Variants in FSTL5 observed in about 807,000 individuals in gnomAD.
The protein encoded by FSTL5 is follistatin-related protein 5.
FSTL5 carries 62 observed loss-of-function variants against 89.1 expected under a neutral mutation model. That is an observed-to-expected ratio of 0.70 (90% CI 0.57 to 0.86). The LOEUF (loss-of-function observed/expected upper bound fraction) is 0.86, where lower values mean the gene tolerates loss of function less well. Ranked by LOEUF, FSTL5 falls within the 40% of genes least tolerant of loss-of-function variation. The pLI is 0.00. For missense variants in FSTL5, 1,057 were observed against 1,001.6 expected, an observed-to-expected ratio of 1.06 and a Z score of -0.75; for synonymous variants, 383 against 346.2, an observed-to-expected ratio of 1.11 and a Z score of -1.18.
chr4:161,557,767 G>A (rs1387255248), intron 8 of FSTL5, among the ~76,000 whole-genome samples: 8 of 151,686 alleles, frequency 5.3e-5, no homozygotes, highest in Non-Finnish European at 1.0e-4. Flanking sequence ...GCTAAGTTAC[G>A]TATATTGCAT....
At position 161,801,717 on chromosome 4, in the gene FSTL5, A is replaced by G. The variant is rs566204380; in HGVS notation, c.410-25643T>C. ...ATATTTATAAGTATCTTATCTAGCT[A>G]ATACACATAATAATAATAATAATAA... On this transcript the variant is annotated intron_variant, in intron 4 of 15. Coordinates refer to ENST00000306100, the MANE Select transcript of FSTL5 (RefSeq NM_020116.5). Among the ~76,000 whole-genome samples the G allele has an allele frequency of 3.6e-3, 548 of 150,954 alleles. 2 individuals are homozygous for G. The highest frequency in any genetic ancestry group is 7.0e-3 in the Middle Eastern group (2 of 286).
chr4:161,497,208 C>T (rs1015813301), intron 12 of FSTL5, among the ~76,000 whole-genome samples: 1 of 151,782 alleles, frequency 6.6e-6, no homozygotes, highest in South Asian at 2.1e-4. Flanking sequence ...ATATATATTC[C>T]AATTATTTAA....
chr4:161,885,768 TTTCTTTGC>T (rs1732788452), intron 4 of FSTL5, among the ~76,000 whole-genome samples: 1 of 152,166 alleles, frequency 6.6e-6, no homozygotes, highest in East Asian at 1.9e-4. Flanking sequence ...TGATTTCATT[TTTCTTTGC>T]TTCTTTCCTT....
intron 3 of FSTL5, among the ~76,000 whole-genome samples, chr4:161,965,084 T>C (rs1473777562): frequency 1.3e-5 from 2 of 152,132 alleles, no homozygotes; most frequent in South Asian, 4.1e-4. Context: ...TAAGCATACA[T>C]TAATTGTTTT....
At chr4:161,529,538 T>A (rs1172020530) in intron 10 of FSTL5, among the ~76,000 whole-genome samples, 1 of 142,686 alleles carries the variant, frequency 7.0e-6, no homozygotes, top group African/African-American at 2.5e-5. Flanking sequence ...ATAAATCTTA[T>A]ATCAAATATT....
At chr4:161,987,224 G>A (rs1228988207) in intron 3 of FSTL5, among the ~76,000 whole-genome samples, 1 of 151,918 alleles carries the variant, frequency 6.6e-6, no homozygotes, top group Non-Finnish European at 1.5e-5. Flanking sequence ...TGTTATTTAA[G>A]ATGACTTTCT....
At chr4:161,402,831 T>G (rs1002382125) in intron 15 of FSTL5, among the ~76,000 whole-genome samples, 1 of 151,942 alleles carries the variant, frequency 6.6e-6, no homozygotes, top group African/African-American at 2.4e-5. Context: ...AACTTTTTTT[T>G]TTTTTTTTGA....
At chr4:162,161,629 T>C (rs1004473907) in intron 1 of FSTL5, among the ~76,000 whole-genome samples, 1 of 151,976 alleles carries the variant, frequency 6.6e-6, no homozygotes, top group Non-Finnish European at 1.5e-5. Flanking sequence ...TAAATATTTA[T>C]ACTTGAATAA....
chr4:161,406,998 T>G (rs901052128), intron 15 of FSTL5, among the ~76,000 whole-genome samples: 2 of 152,160 alleles, frequency 1.3e-5, no homozygotes, highest in African/African-American at 4.8e-5. Context: ...GTTCCTCCTT[T>G]CTCCTCTAGT....
At chr4:161,621,983 C>T (rs781744486) in intron 7 of FSTL5, among the ~76,000 whole-genome samples, 9 of 151,542 alleles carry the variant, frequency 5.9e-5, no homozygotes, top group African/African-American at 1.7e-4. Context: ...GCAACAAGCA[C>T]GAAACTCCCT....
At chr4:161,400,578 T>TA (rs1004865892) in intron 15 of FSTL5, among the ~76,000 whole-genome samples, 4 of 151,986 alleles carry the variant, frequency 2.6e-5, no homozygotes, top group African/African-American at 7.2e-5. Context: ...TATTTGTAAA[T>TA]AAAAAGATTC....
intron 7 of FSTL5, among the ~76,000 whole-genome samples, chr4:161,653,202 G>T (rs547144479): frequency 6.6e-6 from 1 of 152,208 alleles, no homozygotes; most frequent in African/African-American, 2.4e-5. Flanking sequence ...TATCACGCCT[G>T]GGGTCTAAAA....
intron 2 of FSTL5, among the ~76,000 whole-genome samples, chr4:162,033,948 A>T (rs2111198801): frequency 6.6e-6 from 1 of 152,116 alleles, no homozygotes; most frequent in Admixed American, 6.6e-5. Context: ...ACAGGCACAT[A>T]TCATTATGCC....
intron 7 of FSTL5, among the ~76,000 whole-genome samples, chr4:161,600,031 A>C (rs1039670113): frequency 6.6e-6 from 1 of 152,080 alleles, no homozygotes; most frequent in Non-Finnish European, 1.5e-5. Flanking sequence ...TTCCCTATGA[A>C]GGTTACTAAT....
At chr4:161,718,156 G>A (rs1739058936) in intron 6 of FSTL5, among the ~76,000 whole-genome samples, 1 of 152,026 alleles carries the variant, frequency 6.6e-6, no homozygotes. Context: ...TTTACATATA[G>A]TTGATTTGAC....
At chr4:161,707,528 T>C (rs1479176929) in intron 6 of FSTL5, among the ~76,000 whole-genome samples, 3 of 151,892 alleles carry the variant, frequency 2.0e-5, no homozygotes, top group Non-Finnish European at 2.9e-5. Context: ...GCACTGCATA[T>C]AATACTTCTA....
At chr4:162,057,718 C>A (rs980274145) in intron 2 of FSTL5, among the ~76,000 whole-genome samples, 5 of 151,986 alleles carry the variant, frequency 3.3e-5, no homozygotes, top group Non-Finnish European at 7.4e-5. Flanking sequence ...CCGAGGTGGG[C>A]AGATGGCTTA....
At chr4:161,823,300 G>C (rs1479150375) in intron 4 of FSTL5, among the ~76,000 whole-genome samples, 1 of 152,126 alleles carries the variant, frequency 6.6e-6, no homozygotes, top group African/African-American at 2.4e-5. Context: ...CATCCACAGA[G>C]CCCAAGCTGT....
chr4:162,074,460 C>G (rs17432342), intron 2 of FSTL5, among the ~76,000 whole-genome samples: 1 of 151,370 alleles, frequency 6.6e-6, no homozygotes. Context: ...AGTGGTACTA[C>G]GTATCAAGGA....
Sources: gnomAD v4.1 joint callset for allele counts (sites outside exome capture counted in the v4.1 genomes callset) on GRCh38, gnomAD v4.1.1 for gene constraint, MANE v1.5 for transcripts, NCBI Gene and HGNC (gene_info 2026-07-23, HGNC 2026-07-21) for gene names.